Variants in CAMK1D observed in about 807,000 individuals in gnomAD.
CAMK1D encodes calcium/calmodulin-dependent protein kinase type 1D.
In CAMK1D, 9 loss-of-function variants were observed where a neutral mutation model predicts 47.7. The ratio of observed to expected loss-of-function variants is 0.19; its 90% CI spans 0.11 to 0.33. CAMK1D has a LOEUF of 0.33. Among genes scored for constraint, CAMK1D ranks in the 10% least tolerant of loss-of-function variants. CAMK1D has a pLI of 1.00. For missense variants in CAMK1D, 291 were observed against 488.7 expected, an observed-to-expected ratio of 0.60 and a Z score of 3.81; for synonymous variants, 184 against 184.9, an observed-to-expected ratio of 0.99 and a Z score of 0.04.
chr10:12,696,935 TC>T (rs1833321477), intron 3 of CAMK1D, among the ~76,000 whole-genome samples: 1 of 152,184 alleles, frequency 6.6e-6, no homozygotes, highest in Non-Finnish European at 1.5e-5. Context: ...TCTGCCTGGA[TC>T]CTTTCAAAGT....
At chr10:12,738,748 C>T (rs574600453) in intron 3 of CAMK1D, among the ~76,000 whole-genome samples, 15 of 151,996 alleles carry the variant, frequency 9.9e-5, no homozygotes, top group Admixed American at 7.2e-4. Context: ...AGGAGGAGCG[C>T]GTAAAGCCAG....
At chr10:12,803,808 G>A (rs537943609) in intron 6 of CAMK1D, among the ~76,000 whole-genome samples, 2 of 152,260 alleles carry the variant, frequency 1.3e-5, no homozygotes, top group Admixed American at 1.3e-4. Context: ...ACAAGGGGTT[G>A]GACCAGGTGA....
In CAMK1D at chr10:12,590,750, A is replaced by G. The variant is rs530154324; in HGVS notation, c.224+37394A>G. On this transcript the variant is annotated intron_variant, in intron 2 of 10. Transcript: ENST00000619168. ...CATCCATGATTAGAATCACAGAAGC[A>G]GAAAATTTTAGAACTATAAAGGACT... Among the ~76,000 whole-genome samples, 9 of 152,364 alleles carry G rather than the reference A, an allele frequency of 5.9e-5. No homozygotes were observed. The South Asian group carries it at 1.9e-3, about 32-fold the overall frequency.
At chr10:12,426,434 CG>C (rs1042244508) in intron 1 of CAMK1D, among the ~76,000 whole-genome samples, 1 of 152,078 alleles carries the variant, frequency 6.6e-6, no homozygotes, top group Middle Eastern at 3.2e-3. Context: ...TAAGTAGACA[CG>C]GGGTTTCTCC....
At chr10:12,542,430 C>CA (rs1399233887) in intron 1 of CAMK1D, among the ~76,000 whole-genome samples, 1 of 152,196 alleles carries the variant, frequency 6.6e-6, no homozygotes, top group African/African-American at 2.4e-5. Context: ...ATAATAGCTA[C>CA]ACTAAGCTAA....
intron 3 of CAMK1D, among the ~76,000 whole-genome samples, chr10:12,713,582 A>C (rs574819051): frequency 1.3e-5 from 2 of 152,236 alleles, no homozygotes; most frequent in Non-Finnish European, 2.9e-5. Flanking sequence ...ACTAGGATCC[A>C]TGTTTGTAGA....
intron 3 of CAMK1D, among the ~76,000 whole-genome samples, chr10:12,726,719 G>T (rs1214858999): frequency 6.6e-6 from 1 of 152,216 alleles, no homozygotes; most frequent in Non-Finnish European, 1.5e-5. Context: ...TGGAGACATG[G>T]TGACTTGCCT....
chr10:12,778,248 TAACAATGAAACCGA>T (rs1837350170), intron 5 of CAMK1D, among the ~76,000 whole-genome samples: 1 of 152,196 alleles, frequency 6.6e-6, no homozygotes, highest in Non-Finnish European at 1.5e-5. Context: ...ATGAGCTCTC[TAACAATGAAACCGA>T]AATTGGTGCT....
intron 1 of CAMK1D, among the ~76,000 whole-genome samples, chr10:12,541,774 A>C (rs1299424459): frequency 6.6e-6 from 1 of 152,030 alleles, no homozygotes; most frequent in Non-Finnish European, 1.5e-5. Context: ...TAGGTCTAAA[A>C]GGCACCTGTC....
At chr10:12,351,875 G>C (rs1837364188) in intron 1 of CAMK1D, among the ~76,000 whole-genome samples, 1 of 152,196 alleles carries the variant, frequency 6.6e-6, no homozygotes, top group Non-Finnish European at 1.5e-5. Context: ...GGAATTCTTT[G>C]CAAAGGAGCT....
At position 12,631,845 on chromosome 10, in the gene CAMK1D, G is replaced by A. The variant is rs937534071; in HGVS notation, c.225-34891G>A. 4.6e-5 allele frequency among the ~76,000 whole-genome samples: 7 copies of A among 152,306 alleles called. No homozygotes were observed. The South Asian group carries it at 1.0e-3, about 23-fold the overall frequency. On this transcript the variant is annotated intron_variant, in intron 2 of 10. Coordinates refer to ENST00000619168, the MANE Select transcript of CAMK1D (RefSeq NM_153498.4). ...ATAAAGTGATATGACAGGATAGAGC[G>A]TGAGGAAAGCACTTTCCACTACCTG...
intron 1 of CAMK1D, among the ~76,000 whole-genome samples, chr10:12,380,920 A>G (rs904365728): frequency 4.6e-5 from 7 of 152,338 alleles, no homozygotes; most frequent in Non-Finnish European, 8.8e-5. Context: ...TCACACATTT[A>G]GTAATGATAT....
chr10:12,519,330 C>T (rs1588581487), intron 1 of CAMK1D, among the ~76,000 whole-genome samples: 1 of 49,244 alleles, frequency 2.0e-5, no homozygotes, highest in Non-Finnish European at 4.2e-5. Flanking sequence ...GCAGAGGCGC[C>T]CCTCACCTCC....
rs1227203179 is a variant in CAMK1D, at chr10:12,769,665, C to T, written c.439-8C>T. 2 of 1,612,772 alleles carry T rather than the reference C, an allele frequency of 1.2e-6. No individual in the cohort carries two copies. The highest frequency in any genetic ancestry group is 1.7e-6 in the Non-Finnish European group (2 of 1,179,496). On this transcript the variant is annotated splice_region_variant and splice_polypyrimidine_tract_variant and intron_variant, in intron 4 of 10. Transcript: ENST00000619168. ...GTTTGTAATGTTTTTTTCTTATTTTCTTTCTAGCCCGAAAATCTCTTGTAC... is the reference window on the plus strand; with the variant it reads ...GTTTGTAATGTTTTTTTCTTATTTTTTTTCTAGCCCGAAAATCTCTTGTAC...
intron 1 of CAMK1D, among the ~76,000 whole-genome samples, chr10:12,536,074 C>G (rs1262109660): frequency 4.6e-5 from 7 of 152,230 alleles, no homozygotes; most frequent in Non-Finnish European, 1.0e-4. Context: ...TTCCTGAAGG[C>G]ACCTTTATCT....
intron 1 of CAMK1D, among the ~76,000 whole-genome samples, chr10:12,430,589 A>T (rs1832438375): frequency 1.3e-5 from 2 of 152,190 alleles, no homozygotes. Context: ...TTGCAAACAC[A>T]CTGAGACCAG....
At chr10:12,754,495 A>G (rs1355545477) in intron 3 of CAMK1D, among the ~76,000 whole-genome samples, 35 of 152,238 alleles carry the variant, frequency 2.3e-4, no homozygotes, top group Non-Finnish European at 5.9e-5. Context: ...TAAACCTGGG[A>G]AAAATATATA....
chr10:12,632,659 C>A (rs1176642709), intron 2 of CAMK1D, among the ~76,000 whole-genome samples: 6 of 152,140 alleles, frequency 3.9e-5, no homozygotes, highest in Admixed American at 3.9e-4. Context: ...GGACCCAGAT[C>A]TTTGGACTGC....
At chr10:12,403,381 C>T (rs1839298601) in intron 1 of CAMK1D, among the ~76,000 whole-genome samples, 1 of 152,228 alleles carries the variant, frequency 6.6e-6, no homozygotes, top group Non-Finnish European at 1.5e-5. Context: ...TGAGTCCTCG[C>T]TCCGTGCCCA....
Sources: gnomAD v4.1 joint callset for allele counts (sites outside exome capture counted in the v4.1 genomes callset) on GRCh38, gnomAD v4.1.1 for gene constraint, MANE v1.5 for transcripts, NCBI Gene and HGNC (gene_info 2026-07-23, HGNC 2026-07-21) for gene names.